Variants in PRTG observed in about 807,000 individuals in gnomAD.
PRTG encodes immunoglobulin superfamily, DCC subclass, member 5.
Under a neutral mutation model 122.5 loss-of-function variants are expected in PRTG, and 67 were observed. That is an observed-to-expected ratio of 0.55 (90% CI 0.45 to 0.67). The LOEUF is 0.67. PRTG is among the 30% of genes least tolerant of loss of function. The pLI is 0.00. For missense variants in PRTG, 1,435 were observed against 1,415.4 expected (o/e 1.01, Z -0.22); for synonymous variants, 554 against 501.1 (o/e 1.11, Z -1.41).
chr15:55,623,702 G>A (rs4307895), intron 18 of PRTG, among the ~76,000 whole-genome samples: 148,617 of 152,350 alleles, frequency 0.98, 72,607 homozygotes, highest in East Asian at 1. Context: ...ATAACGTACA[G>A]TATCTAAAGT....
At chr15:55,740,836 C>A in intron 1 of PRTG, 152 bp from the exon 2 acceptor site, 1 of 662,916 alleles carries the variant, frequency 1.5e-6, no homozygotes, top group Non-Finnish European at 2.5e-6. Flanking sequence ...ATGAACCAAT[C>A]TAAATTTCAG....
intron 2 of PRTG, among the ~76,000 whole-genome samples, chr15:55,708,166 A>AAAAACAAAAC (rs750536837): frequency 1.0e-5 from 1 of 98,230 alleles, no homozygotes; most frequent in Non-Finnish European, 2.1e-5. Context: ...AAAAAAAAAA[A>AAAAACAAAAC]AAAAAAAAAA....
intron 16 of PRTG, among the ~76,000 whole-genome samples, chr15:55,628,401 AAC>A (rs1028197170): frequency 1.0e-4 from 15 of 150,614 alleles, no homozygotes; most frequent in African/African-American, 3.6e-4. Flanking sequence ...AAAAAAAAAA[AAC>A]TTTCTCTCCA....
At chr15:55,683,131 C>A (rs1026106807) in intron 3 of PRTG, among the ~76,000 whole-genome samples, 1 of 151,546 alleles carries the variant, frequency 6.6e-6, no homozygotes, top group Non-Finnish European at 1.5e-5. Flanking sequence ...TTTTCAAATT[C>A]CTGATTTTTT....
At chr15:55,658,409 A>G (rs1420949651) in intron 11 of PRTG, among the ~76,000 whole-genome samples, 1 of 151,530 alleles carries the variant, frequency 6.6e-6, no homozygotes, top group Admixed American at 6.6e-5. Flanking sequence ...TCTGCCTCCC[A>G]GGTTCAAGCG....
rs1184258994 is a variant in PRTG, at chr15:55,679,360, G to A, written c.1059C>T (p.Ile353=). The change falls in exon 7 of 20, where the codon ATC becomes ATT. Residue 353 remains isoleucine (I), a synonymous_variant. Coordinates refer to ENST00000389286, the MANE Select transcript of PRTG (RefSeq NM_173814.6). ...TCAACCATGACATCTTGGGAGAGGG[G>A]ATTCCTTCTGCCTGACACACAAATC... The part of the protein sequence containing the change: ...TARFVCQAEG[I]PSPKMSWLKN... 8.1e-6 allele frequency: 13 copies of A among 1,612,276 alleles called. No individual in the cohort carries two copies. The South Asian group carries it at 1.4e-4, about 18-fold the overall frequency.
intron 2 of PRTG, among the ~76,000 whole-genome samples, chr15:55,703,912 T>C (rs566595351): frequency 2.6e-5 from 4 of 152,300 alleles, no homozygotes; most frequent in African/African-American, 7.2e-5. Flanking sequence ...CCAGCAACAG[T>C]GTGTGGTCAC....
intron 2 of PRTG, chr15:55,738,543 G>A (rs768696367): frequency 7.1e-6 from 5 of 700,654 alleles, no homozygotes; most frequent in East Asian, 2.7e-5. Context: ...TGAAAACACA[G>A]GATTCTACAA....
chr15:55,669,006 A>G (rs1595634132), intron 11 of PRTG, among the ~76,000 whole-genome samples: 2 of 152,200 alleles, frequency 1.3e-5, no homozygotes, highest in African/African-American at 4.8e-5. Flanking sequence ...TTTATGTAGT[A>G]CTACATCTCA....
At chr15:55,699,406 A>G (rs1195763726) in intron 2 of PRTG, among the ~76,000 whole-genome samples, 1 of 152,196 alleles carries the variant, frequency 6.6e-6, no homozygotes, top group Non-Finnish European at 1.5e-5. Flanking sequence ...CAGTGATTTC[A>G]ATGAACCTAA....
chr15:55,657,846 T>C (rs182332910), intron 11 of PRTG, among the ~76,000 whole-genome samples: 234 of 152,322 alleles, frequency 1.5e-3, no homozygotes, highest in African/African-American at 5.3e-3. Context: ...AATTTAAAAT[T>C]ACTTTTTAAA....
At chr15:55,696,939 T>C (rs2141835890) in intron 2 of PRTG, among the ~76,000 whole-genome samples, 1 of 152,334 alleles carries the variant, frequency 6.6e-6, no homozygotes, top group East Asian at 1.9e-4. Flanking sequence ...AACCAGGGAC[T>C]CTAAGAAATG....
chr15:55,614,154 T>C lies in PRTG; in HGVS notation c.*5858A>G, dbSNP rs985081724. The C allele has an allele frequency of 1.3e-5, 2 of 152,062 alleles. No individual in the cohort carries two copies. The highest frequency in any genetic ancestry group is 2.4e-5 in the African/African-American group (1 of 41,430). 9.4% of individuals were successfully genotyped at this position (152,062 alleles called of 1,614,324 possible). On this transcript the variant is annotated 3_prime_UTR_variant, in exon 20 of 20. Coordinates refer to ENST00000389286, the MANE Select transcript of PRTG (RefSeq NM_173814.6). The stretch of plus-strand genomic sequence containing the variant: ...AAAATTGGGGTGGAATTAGACATTA[T>C]GTTTTAAAGTTCAAAGAGGGCCAGA...
In PRTG at chr15:55,743,089, G is replaced by C; in HGVS notation, c.-158C>G. On this transcript the variant is annotated 5_prime_UTR_variant, in exon 1 of 20. Coordinates refer to ENST00000389286, the MANE Select transcript of PRTG (RefSeq NM_173814.6). ...GTGGCGAGCGTCTCTGCGGCGGCGA[G>C]GCTGGTGCTCGGACGGCCGCTCGCG... is the stretch of plus-strand genomic sequence containing the variant. 1.6e-6 allele frequency: 2 copies of C among 1,285,826 alleles called. No homozygotes were observed. The highest frequency in any genetic ancestry group is 9.8e-7 in the Non-Finnish European group (1 of 1,021,270). The allele number at this position is 1,285,826 out of a possible 1,614,324, so 79.7% of individuals were successfully genotyped here.
intron 2 of PRTG, among the ~76,000 whole-genome samples, chr15:55,700,409 A>G (rs1473824671): frequency 6.6e-6 from 1 of 152,228 alleles, no homozygotes; most frequent in Non-Finnish European, 1.5e-5. Flanking sequence ...GGGGTTAGGC[A>G]AACAGTTTTT....
At chr15:55,677,688 C>T (rs2059510584) in intron 8 of PRTG, 109 bp downstream of exon 8, 1 of 988,134 alleles carries the variant, frequency 1.0e-6, no homozygotes. Flanking sequence ...AGATAAATGC[C>T]ACCAAATTTC....
At chr15:55,736,005 A>G (rs1000752657) in intron 2 of PRTG, among the ~76,000 whole-genome samples, 4 of 152,204 alleles carry the variant, frequency 2.6e-5, no homozygotes, top group African/African-American at 9.6e-5. Flanking sequence ...ATAACTTCTG[A>G]AACACACCTC....
intron 11 of PRTG, among the ~76,000 whole-genome samples, chr15:55,652,051 A>T (rs2059355808): frequency 6.6e-6 from 1 of 152,200 alleles, no homozygotes; most frequent in Non-Finnish European, 1.5e-5. Context: ...GCCTAATAAA[A>T]TGCATAAAGA....
intron 2 of PRTG, among the ~76,000 whole-genome samples, chr15:55,706,229 G>T (rs2030110043): frequency 6.6e-6 from 1 of 151,808 alleles, no homozygotes; most frequent in African/African-American, 2.4e-5. Flanking sequence ...CTCCATAAAA[G>T]TAGAACCCAC....
Sources: gnomAD v4.1 joint callset for allele counts (sites outside exome capture counted in the v4.1 genomes callset) on GRCh38, gnomAD v4.1.1 for gene constraint, MANE v1.5 for transcripts, NCBI Gene and HGNC (gene_info 2026-07-23, HGNC 2026-07-21) for gene names.